DOP1B: variants seen among roughly 807,000 people sequenced by gnomAD.
The protein encoded by DOP1B is protein DOP1B.
In DOP1B, 174 loss-of-function variants were observed where a neutral mutation model predicts 233.5. The observed-to-expected ratio is 0.75, with a 90% confidence interval of 0.66 to 0.85. The LOEUF (loss-of-function observed/expected upper bound fraction) is 0.85, where lower values mean the gene tolerates loss of function less well. Ranked by LOEUF, DOP1B falls within the 40% of genes least tolerant of loss-of-function variation. DOP1B has a pLI of 0.00. For synonymous variants in DOP1B, 1,190 were observed against 1,185.6 expected (o/e 1.00, Z -0.08); for missense variants, 2,652 against 2,846.6 (o/e 0.93, Z 1.56).
rs556338774 is a variant in DOP1B, at chr21:36,279,417, CCT to C, written c.5970-867_5970-866del. On this transcript the variant is annotated intron_variant, in intron 30 of 36. Transcript: ENST00000691173. ...TGGGTGACAGCACACGACCCTGGGC[CCT>C]GTCTCAAAATAACCAGAAAGAAAGA... 2.3e-3 allele frequency among the ~76,000 whole-genome samples: 348 copies of C among 152,166 alleles called. 3 individuals carry two copies. Among genetic ancestry groups the C allele is most frequent in the Non-Finnish European group, 4.1e-3 (280 of 68,020 alleles).
At position 36,211,618 on chromosome 21, in the gene DOP1B, C is replaced by T. The variant is rs1381166033; in HGVS notation, c.747C>T (p.Ile249=). The change falls in exon 6 of 37, where the codon ATC becomes ATT. Residue 249 remains isoleucine, a synonymous_variant. Coordinates refer to ENST00000691173, the MANE Select transcript of DOP1B (RefSeq NM_001320714.2). ...NVLVQRNNLE[I]VLFFFPFYTC... is the part of the protein sequence containing the mutation. Reference sequence around the variant, plus strand: ...TTGTGCAAAGAAATAATCTGGAAATCGTTCTGTTTTTCTTCCCATTTTATA... The same window carrying T: ...TTGTGCAAAGAAATAATCTGGAAATTGTTCTGTTTTTCTTCCCATTTTATA... The T allele has an allele frequency of 5.6e-6, 9 of 1,613,928 alleles. No homozygotes were observed. The highest frequency in any genetic ancestry group is 1.7e-5 in the Admixed American group (1 of 59,988).
intron 26 of DOP1B, among the ~76,000 whole-genome samples, chr21:36,266,279 C>T (rs900237306): frequency 6.6e-6 from 1 of 152,150 alleles, no homozygotes; most frequent in Non-Finnish European, 1.5e-5. Context: ...CAGGTTCAAG[C>T]GATTCTCTTG....
Position 36,293,554 on chromosome 21 carries a change from G to T in DOP1B, c.6880G>T (p.Glu2294Ter). The change falls in exon 37 of 37, where the codon GAA (glutamate) becomes TAA (stop). Residue 2294 changes from glutamate (E) to a stop codon, truncating the protein, a stop_gained. Transcript: ENST00000691173. LOFTEE classifies it high-confidence loss of function. ...AGAATGCATCGAATATGATTTTCTG[G>T]AACATCCAGAATGTTAACCATGTGA... is the stretch of plus-strand genomic sequence containing the variant. The part of the protein sequence containing the change: ...LEECIEYDFL[E>*]HPEC 6.2e-7 allele frequency: 1 copy of T among 1,614,116 alleles called. No homozygotes were observed. The highest frequency in any genetic ancestry group is 1.1e-5 in the South Asian group (1 of 91,062).
chr21:36,158,491 A>G (rs2065840431), intron 1 of DOP1B, among the ~76,000 whole-genome samples: 1 of 152,152 alleles, frequency 6.6e-6, no homozygotes, highest in Non-Finnish European at 1.5e-5. Context: ...CCCATCTCAC[A>G]GGACTCGTGT....
Position 36,263,597 on chromosome 21 carries a change from G to A in DOP1B, c.5367G>A (p.Leu1789=). Residue 1789 remains leucine, a synonymous_variant, in exon 25 of 37, where the codon TTG becomes TTA. Transcript: ENST00000691173. ...QENFSSLLGV[L]KESVQLNLAP... is the part of the protein sequence containing the mutation. ...ACTTTTCTTCACTGTTGGGAGTATT[G>A]AAAGAGTCTGTACAGTTGAATCTAG... is the stretch of plus-strand genomic sequence containing the variant. The A allele has an allele frequency of 6.2e-7, 1 of 1,614,188 alleles. No homozygotes were observed. The highest frequency in any genetic ancestry group is 1.7e-5 in the Admixed American group (1 of 60,006).
chr21:36,264,134 T>C (rs1255966473), intron 26 of DOP1B, among the ~76,000 whole-genome samples: 3 of 152,236 alleles, frequency 2.0e-5, no homozygotes, highest in Admixed American at 2.0e-4. Flanking sequence ...AGAAATCTTA[T>C]TTCCCCCCAG....
At position 36,293,845 on chromosome 21, in the gene DOP1B, T is replaced by C. The variant is rs548524412; in HGVS notation, c.*274T>C. 7.9e-5 allele frequency: 26 copies of C among 328,680 alleles called. No individual in the cohort carries two copies. The highest frequency in any genetic ancestry group is 2.3e-4 in the Admixed American group (5 of 21,334). 20.4% of individuals were successfully genotyped at this position (328,680 alleles called of 1,614,324 possible). A position where few individuals can be genotyped will look rare whatever the true frequency, so the allele number is the denominator to read the frequency against. On this transcript the variant is annotated 3_prime_UTR_variant, in exon 37 of 37. Transcript: ENST00000691173. ...TAAAAATACAAAAATTAGCTGGGTG[T>C]GGTGGCGGCGCCTGTAATCCCAGCT...
chr21:36,185,985 T>C (rs1601392882), intron 2 of DOP1B, among the ~76,000 whole-genome samples: 1 of 152,164 alleles, frequency 6.6e-6, no homozygotes, highest in African/African-American at 2.4e-5. Flanking sequence ...GGTGGATCAC[T>C]TGAGGTCAGG....
chr21:36,289,115 C>G lies in DOP1B; in HGVS notation c.6424C>G (p.Pro2142Ala), dbSNP rs2067524836. 6.2e-7 allele frequency: 1 copy of G among 1,614,016 alleles called. No homozygotes were observed. Among genetic ancestry groups the G allele is most frequent in the Non-Finnish European group, 8.5e-7 (1 of 1,179,950 alleles). Residue 2142 changes from proline to alanine, a missense_variant, in exon 35 of 37, where the codon CCC becomes GCC. Physicochemically the swap from Pro to Ala is conservative, Grantham distance 27 (BLOSUM62 -1). Around this residue, in one of 3 missense-constraint regions of DOP1B, gnomAD observed 2,617 missense variants for 2,794.3 expected, o/e 0.94. Coordinates refer to ENST00000691173, the MANE Select transcript of DOP1B (RefSeq NM_001320714.2). The part of the protein sequence containing the change: ...DANGPSVGEI[P>A]QSELILYLSA... ...AAATGGACCCTCAGTGGGGGAGATACCCCAGAGTGAACTCATCTTGTATTT... is the reference window on the plus strand; with the variant it reads ...AAATGGACCCTCAGTGGGGGAGATAGCCCAGAGTGAACTCATCTTGTATTT...
Position 36,248,665 on chromosome 21 carries a change from T to G in DOP1B, c.4998+97T>G, listed in dbSNP as rs1013475901. 3.2e-6 allele frequency: 4 copies of G among 1,235,668 alleles called. No homozygotes were observed. The African/African-American group carries it at 4.6e-5, about 14-fold the overall frequency. The allele number at this position is 1,235,668 out of a possible 1,614,324, so 76.5% of individuals were successfully genotyped here. A position where few individuals can be genotyped will look rare whatever the true frequency, so the allele number is the denominator to read the frequency against. On this transcript the variant is annotated intron_variant, in intron 21 of 36. Transcript: ENST00000691173. The stretch of plus-strand genomic sequence containing the variant: ...GGAAAGTGTGCATGATAAACAGATG[T>G]GCTCAATGAAACCCAAGTCAGAGAT...
chr21:36,200,418 G>A lies in DOP1B; in HGVS notation c.408G>A (p.Leu136=), dbSNP rs1334769642. ...TGTACGAGAAGTACTTCCTCCCACT[G>A]CAGAAGCTGCTCCTGCCCAGTCTGC... is the stretch of plus-strand genomic sequence containing the variant. ...LTLYEKYFLP[L]QKLLLPSLQA... is the part of the protein sequence containing the mutation. Residue 136 remains leucine (L), a synonymous_variant, in exon 4 of 37, where the codon CTG becomes CTA. Coordinates refer to ENST00000691173, the MANE Select transcript of DOP1B (RefSeq NM_001320714.2). 6.2e-7 allele frequency: 1 copy of A among 1,613,496 alleles called. No homozygotes were observed. Among genetic ancestry groups the A allele is most frequent in the Non-Finnish European group, 8.5e-7 (1 of 1,180,010 alleles).
chr21:36,276,716 C>T (rs2067352873), intron 27 of DOP1B, among the ~76,000 whole-genome samples: 1 of 151,718 alleles, frequency 6.6e-6, no homozygotes. Context: ...TGGCACATGC[C>T]TGTAGTCCCA....
chr21:36,274,261 G>A (rs1407759706), intron 27 of DOP1B, among the ~76,000 whole-genome samples: 3 of 152,164 alleles, frequency 2.0e-5, no homozygotes, highest in Non-Finnish European at 4.4e-5. Context: ...TTTTGCGCTG[G>A]TTAAGGCAGA....
At chr21:36,176,369 A>G (rs2123420154) in intron 2 of DOP1B, among the ~76,000 whole-genome samples, 1 of 152,172 alleles carries the variant, frequency 6.6e-6, no homozygotes, top group Admixed American at 6.5e-5. Context: ...CTCAGTGCCT[A>G]GAACAAGGCT....
chr21:36,188,266 C>G (rs1043606448), intron 2 of DOP1B, among the ~76,000 whole-genome samples: 6 of 152,238 alleles, frequency 3.9e-5, no homozygotes, highest in Non-Finnish European at 7.3e-5. Flanking sequence ...TATAGCAGCA[C>G]TGCTCTCCCA....
chr21:36,176,102 G>GCGTA (rs35840196), intron 2 of DOP1B, among the ~76,000 whole-genome samples: 113 of 148,940 alleles, frequency 7.6e-4, no homozygotes, highest in Middle Eastern at 6.8e-3. Flanking sequence ...GTGTGCGTGT[G>GCGTA]TGTGTGTGTG....
intron 17 of DOP1B, 38 bp from the exon 18 acceptor site, chr21:36,239,727 G>A (rs1341582704): frequency 3.3e-6 from 5 of 1,495,806 alleles, no homozygotes; most frequent in Non-Finnish European, 4.5e-6. Flanking sequence ...GCACAGGGGT[G>A]GCTGCGAGTG....
Position 36,288,126 on chromosome 21 carries a change from G to A in DOP1B, c.6273G>A (p.Leu2091=), listed in dbSNP as rs1174532152. The change falls in exon 33 of 37, where the codon TTG becomes TTA. Residue 2091 remains leucine (L), a synonymous_variant. Coordinates refer to ENST00000691173, the MANE Select transcript of DOP1B (RefSeq NM_001320714.2). The part of the protein sequence containing the change: ...LRISPQHLTS[L]WPIMVSELIQ... ...TATCTCCTCAACATTTGACTTCATT[G>A]TGGCCAATAATGGTCTCTGAATTGG... 3 of 1,613,698 alleles carry A rather than the reference G, an allele frequency of 1.9e-6. No homozygotes were observed. The highest frequency in any genetic ancestry group is 1.3e-5 in the African/African-American group (1 of 74,864).
In DOP1B at chr21:36,288,041, G is replaced by A; in HGVS notation, c.6188G>A (p.Gly2063Glu). Residue 2063 changes from glycine (G) to glutamate (E), a missense_variant, in exon 33 of 37, where the codon GGA becomes GAA. Gly to Glu is a moderately conservative substitution (Grantham distance 98). Coordinates refer to ENST00000691173, the MANE Select transcript of DOP1B (RefSeq NM_001320714.2). Reference protein sequence around the residue: ...QERLTDNLRVGQTSIVAAQMF... With the variant: ...QERLTDNLRVEQTSIVAAQMF... ...CGCCTGACAGACAATCTCAGAGTTG[G>A]ACAGACATCCATAGTTGCTGCTCAG... 1.2e-6 allele frequency: 2 copies of A among 1,613,914 alleles called. No individual in the cohort carries two copies. The highest frequency in any genetic ancestry group is 1.7e-6 in the Non-Finnish European group (2 of 1,179,948).
Sources: allele counts gnomAD v4.1 joint callset (sites outside exome capture counted in the v4.1 genomes callset), GRCh38; gene constraint gnomAD v4.1.1; regional missense constraint gnomAD v4.1.1; transcripts MANE v1.5; gene names NCBI Gene and HGNC (gene_info 2026-07-23, HGNC 2026-07-21).